Variants in PHACTR1 observed in about 807,000 individuals in gnomAD.
PHACTR1 encodes phosphatase and actin regulator 1, also known as RPEL repeat containing 1.
In PHACTR1, 16 loss-of-function variants were observed where a neutral mutation model predicts 69.2. That is an observed-to-expected ratio of 0.23 (90% CI 0.16 to 0.35). The LOEUF (loss-of-function observed/expected upper bound fraction) is 0.35. PHACTR1 is among the 10% of genes least tolerant of loss of function. The pLI is 1.00. For synonymous variants in PHACTR1, 312 were observed against 284.5 expected, an observed-to-expected ratio of 1.10 and a Z score of -0.97; for missense variants, 510 against 734.7, an observed-to-expected ratio of 0.69 and a Z score of 3.54.
intron 7 of PHACTR1, among the ~76,000 whole-genome samples, chr6:13,191,366 G>A (rs766577840): frequency 4.6e-5 from 7 of 152,168 alleles, no homozygotes; most frequent in Non-Finnish European, 8.8e-5. Context: ...ACGGGCCCTA[G>A]AGACAGGAGG....
intron 3 of PHACTR1, among the ~76,000 whole-genome samples, chr6:12,728,696 A>G (rs1350232001): frequency 6.6e-6 from 1 of 152,228 alleles, no homozygotes; most frequent in African/African-American, 2.4e-5. Context: ...GTGGTATGAT[A>G]TATAATTTTC....
chr6:13,260,432 T>C (rs1157212204), intron 10 of PHACTR1, among the ~76,000 whole-genome samples: 1 of 152,160 alleles, frequency 6.6e-6, no homozygotes, highest in African/African-American at 2.4e-5. Context: ...CTTAGCGCAA[T>C]GTCAGGCGGT....
chr6:12,723,339 T>C (rs1762362968), intron 3 of PHACTR1, among the ~76,000 whole-genome samples: 1 of 152,142 alleles, frequency 6.6e-6, no homozygotes, highest in Non-Finnish European at 1.5e-5. Context: ...TTGTTAGGAA[T>C]GTAGCATCTC....
intron 4 of PHACTR1, among the ~76,000 whole-genome samples, chr6:12,949,284 A>AAG (rs1554175602): frequency 0.012 from 1,810 of 146,952 alleles, 44 homozygotes; most frequent in African/African-American, 0.045. Context: ...AAAAAAAAAA[A>AAG]AAAGAAAGAA....
intron 4 of PHACTR1, among the ~76,000 whole-genome samples, chr6:12,872,754 C>T (rs1265132378): frequency 6.6e-6 from 1 of 152,162 alleles, no homozygotes; most frequent in African/African-American, 2.4e-5. Flanking sequence ...GTCCTTTAGA[C>T]ATGCTGCATA....
intron 5 of PHACTR1, among the ~76,000 whole-genome samples, chr6:13,143,484 A>G (rs1822825123): frequency 6.6e-6 from 1 of 152,230 alleles, no homozygotes; most frequent in South Asian, 2.1e-4. Flanking sequence ...GTGTGCAGAT[A>G]TCTCCTGGGG....
At chr6:12,867,906 TAG>T (rs967739998) in intron 4 of PHACTR1, among the ~76,000 whole-genome samples, 32 of 152,320 alleles carry the variant, frequency 2.1e-4, no homozygotes, top group African/African-American at 7.7e-4. Flanking sequence ...CCTCTATTTT[TAG>T]ACTAACATTG....
chr6:12,730,362 C>T (rs753479754), intron 3 of PHACTR1, among the ~76,000 whole-genome samples: 2 of 151,978 alleles, frequency 1.3e-5, no homozygotes, highest in Non-Finnish European at 2.9e-5. Flanking sequence ...GAAATATTTA[C>T]ATGAGCCAAA....
intron 4 of PHACTR1, among the ~76,000 whole-genome samples, chr6:12,777,221 TTA>T (rs777055650): frequency 6.3e-5 from 9 of 143,814 alleles, no homozygotes; most frequent in Middle Eastern, 3.5e-3. Context: ...GACTACGGTT[TTA>T]TATATATATA....
At chr6:12,940,280 A>G (rs1449922133) in intron 4 of PHACTR1, among the ~76,000 whole-genome samples, 1 of 152,214 alleles carries the variant, frequency 6.6e-6, no homozygotes. Context: ...GTGGGATGGC[A>G]TTGTGAAGTC....
At chr6:13,182,264 AC>A (rs1762272629) in intron 6 of PHACTR1, among the ~76,000 whole-genome samples, 1 of 152,160 alleles carries the variant, frequency 6.6e-6, no homozygotes, top group South Asian at 2.1e-4. Context: ...TACATAGAAA[AC>A]GTGATGGATT....
chr6:13,207,059 ACATG>A (rs1766042398), intron 8 of PHACTR1, among the ~76,000 whole-genome samples: 1 of 151,890 alleles, frequency 6.6e-6, no homozygotes, highest in African/African-American at 2.4e-5. Flanking sequence ...ACACACACAC[ACATG>A]CATGCACACA....
intron 3 of PHACTR1, among the ~76,000 whole-genome samples, chr6:12,723,136 G>A (rs1481453617): frequency 6.6e-6 from 1 of 152,062 alleles, no homozygotes; most frequent in Non-Finnish European, 1.5e-5. Flanking sequence ...ACTGTCTTAG[G>A]TCTCTTCCTA....
intron 4 of PHACTR1, among the ~76,000 whole-genome samples, chr6:13,022,290 C>T (rs1321240085): frequency 6.6e-6 from 1 of 152,182 alleles, no homozygotes; most frequent in Non-Finnish European, 1.5e-5. Flanking sequence ...GACGCCTCTA[C>T]CTGCTTTTAA....
At chr6:13,201,385 C>T (rs748962803) in intron 7 of PHACTR1, among the ~76,000 whole-genome samples, 1 of 152,116 alleles carries the variant, frequency 6.6e-6, no homozygotes, top group East Asian at 1.9e-4. Flanking sequence ...AGAGAAGGAG[C>T]GTGGTTATCG....
At chr6:12,998,624 AAAAG>A (rs1797716061) in intron 4 of PHACTR1, among the ~76,000 whole-genome samples, 1 of 151,626 alleles carries the variant, frequency 6.6e-6, no homozygotes. Context: ...AAAAAAAAAA[AAAAG>A]AAAAGAAAAA....
At chr6:12,852,066 C>T (rs1779878990) in intron 4 of PHACTR1, among the ~76,000 whole-genome samples, 1 of 152,152 alleles carries the variant, frequency 6.6e-6, no homozygotes, top group African/African-American at 2.4e-5. Flanking sequence ...AACTCCTGAC[C>T]TCAGGGGATT....
At chr6:12,725,052 A>C (rs1200529195) in intron 3 of PHACTR1, among the ~76,000 whole-genome samples, 1 of 152,184 alleles carries the variant, frequency 6.6e-6, no homozygotes, top group Non-Finnish European at 1.5e-5. Context: ...AAAAAAGGGA[A>C]ATGCCAGTTT....
chr6:13,199,805 G>T (rs944820451), intron 7 of PHACTR1, among the ~76,000 whole-genome samples: 11 of 152,152 alleles, frequency 7.2e-5, no homozygotes, highest in Admixed American at 5.2e-4. Flanking sequence ...CACCCACAAG[G>T]ATATAAGACA....
Sources: gnomAD v4.1 joint callset for allele counts (sites outside exome capture counted in the v4.1 genomes callset) on GRCh38, gnomAD v4.1.1 for gene constraint, MANE v1.5 for transcripts, NCBI Gene and HGNC (gene_info 2026-07-23, HGNC 2026-07-21) for gene names.